ASAP2: variants seen among roughly 807,000 people sequenced by gnomAD.
ASAP2 encodes arf-GAP with SH3 domain, ANK repeat and PH domain-containing protein 2.
A neutral mutation model predicts 131.4 loss-of-function variants in ASAP2; 45 were observed. The observed-to-expected ratio is 0.34, with a 90% CI of 0.27 to 0.44. ASAP2 has a LOEUF of 0.44. ASAP2 is among the 20% of genes least tolerant of loss of function. The pLI, the probability that ASAP2 is intolerant of heterozygous loss-of-function variation, is 1.00. For missense variants in ASAP2, 1,011 were observed against 1,297.0 expected (o/e 0.78, Z 3.39); for synonymous variants, 510 against 503.0 (o/e 1.01, Z -0.19).
At chr2:9,401,073 TTC>T (rs1255536149) in intron 26 of ASAP2, among the ~76,000 whole-genome samples, 199 bp from the exon 27 acceptor site, 1 of 151,944 alleles carries the variant, frequency 6.6e-6, no homozygotes, top group Non-Finnish European at 1.5e-5. Context: ...CCTTGGCCCC[TTC>T]TCTCTGCTTG....
intron 1 of ASAP2, among the ~76,000 whole-genome samples, chr2:9,269,141 T>G (rs1343515737): frequency 6.6e-6 from 1 of 151,892 alleles, no homozygotes; most frequent in African/African-American, 2.4e-5. Flanking sequence ...ATAAGAGAGG[T>G]GATAAATATC....
intron 1 of ASAP2, among the ~76,000 whole-genome samples, chr2:9,224,991 G>A (rs1662663112): frequency 6.6e-6 from 1 of 152,198 alleles, no homozygotes; most frequent in Non-Finnish European, 1.5e-5. Flanking sequence ...GAGTCAAGGT[G>A]CGTAAGTTGG....
chr2:9,383,058 A>G (rs1674988127), intron 20 of ASAP2, among the ~76,000 whole-genome samples: 1 of 151,798 alleles, frequency 6.6e-6, no homozygotes, highest in African/African-American at 2.4e-5. Flanking sequence ...GAGTGAAATC[A>G]TAAGAGTATG....
At chr2:9,310,003 G>A (rs530576132) in intron 3 of ASAP2, among the ~76,000 whole-genome samples, 1 of 152,306 alleles carries the variant, frequency 6.6e-6, no homozygotes, top group East Asian at 1.9e-4. Context: ...GCACTGGAAG[G>A]CTGTTTCACA....
At chr2:9,332,553 G>A (rs997835888) in intron 7 of ASAP2, among the ~76,000 whole-genome samples, 8 of 152,276 alleles carry the variant, frequency 5.3e-5, no homozygotes, top group African/African-American at 1.4e-4. Context: ...GCATCCTGAC[G>A]AGAAGTCTCT....
chr2:9,225,768 G>GTAT (rs1247926068), intron 1 of ASAP2, among the ~76,000 whole-genome samples: 1 of 152,154 alleles, frequency 6.6e-6, no homozygotes, highest in Non-Finnish European at 1.5e-5. Flanking sequence ...GGAAGTGGTT[G>GTAT]TAGGGGTCTG....
intron 18 of ASAP2, among the ~76,000 whole-genome samples, chr2:9,378,287 G>T (rs1674557068): frequency 6.6e-6 from 1 of 152,194 alleles, no homozygotes; most frequent in South Asian, 2.1e-4. Context: ...TTGAGGGCCT[G>T]TCCCATGTCT....
chr2:9,275,032 T>C (rs888843235), intron 1 of ASAP2, among the ~76,000 whole-genome samples: 56 of 152,076 alleles, frequency 3.7e-4, no homozygotes, highest in African/African-American at 9.4e-4. Flanking sequence ...GCCTTTTACA[T>C]TGAAGTTTAC....
At chr2:9,231,953 C>T (rs1663196021) in intron 1 of ASAP2, among the ~76,000 whole-genome samples, 1 of 152,190 alleles carries the variant, frequency 6.6e-6, no homozygotes, top group African/African-American at 2.4e-5. Context: ...CCATCTTGTC[C>T]TGTGAGTGAA....
intron 3 of ASAP2, among the ~76,000 whole-genome samples, chr2:9,304,828 G>A (rs1354983724): frequency 2.9e-5 from 4 of 137,518 alleles, no homozygotes. Flanking sequence ...GGGGCTGGAC[G>A]AGTGGGGTGT....
At chr2:9,386,121 T>C (rs1348779283) in intron 21 of ASAP2, among the ~76,000 whole-genome samples, 3 of 152,032 alleles carry the variant, frequency 2.0e-5, no homozygotes, top group Non-Finnish European at 4.4e-5. Context: ...AATGCCACAT[T>C]AAACACATTT....
At position 9,358,907 on chromosome 2, in the gene ASAP2, G is replaced by C. The variant is rs750335523; in HGVS notation, c.1461+18G>C. ...AGCTGCTGGTAATTTTTAAATCCTT[G>C]ATTTCAGATTGGAAACAAATGAGCT... On this transcript the variant is annotated intron_variant, in intron 15 of 27. Coordinates refer to ENST00000281419, the MANE Select transcript of ASAP2 (RefSeq NM_003887.3). 1 of 1,590,974 alleles carries C rather than the reference G, an allele frequency of 6.3e-7. No homozygotes were observed.
intron 21 of ASAP2, among the ~76,000 whole-genome samples, chr2:9,387,241 A>G (rs1377314585): frequency 2.7e-5 from 4 of 146,490 alleles, no homozygotes; most frequent in African/African-American, 1.1e-4. Context: ...TATAACCTTC[A>G]GGGGGGAGCA....
At chr2:9,324,934 T>C (rs536505869) in intron 6 of ASAP2, among the ~76,000 whole-genome samples, 36 of 152,360 alleles carry the variant, frequency 2.4e-4, no homozygotes, top group South Asian at 1.4e-3. Flanking sequence ...ATTGATATGA[T>C]TGGATTTACT....
intron 1 of ASAP2, among the ~76,000 whole-genome samples, chr2:9,221,994 G>T (rs954809293): frequency 7.2e-5 from 11 of 151,932 alleles, no homozygotes; most frequent in Non-Finnish European, 1.5e-4. Context: ...CAGAGATGGG[G>T]TTTCACCATG....
chr2:9,282,893 T>C (rs1395584270), intron 2 of ASAP2, among the ~76,000 whole-genome samples: 1 of 152,194 alleles, frequency 6.6e-6, no homozygotes, highest in Non-Finnish European at 1.5e-5. Context: ...CTGTCACTGC[T>C]TCCTGAGTGT....
chr2:9,399,736 G>A, intron 24 of ASAP2: 1 of 489,198 alleles, frequency 2.0e-6, no homozygotes, highest in Non-Finnish European at 3.7e-6. Flanking sequence ...CGGGGCCAGT[G>A]GCCAGTGCCC....
At position 9,297,442 on chromosome 2, in the gene ASAP2, C is replaced by T; in HGVS notation, c.342C>T (p.Asn114=). 1.2e-6 allele frequency: 2 copies of T among 1,614,114 alleles called. No homozygotes were observed. Among genetic ancestry groups the T allele is most frequent in the Non-Finnish European group, 1.7e-6 (2 of 1,179,998 alleles). The part of the protein sequence containing the change: ...FTKELTALFK[N]LIQNMNNIIS... ...AGGAGTTGACAGCACTTTTCAAAAA[C>T]CTGGTAAGCAGCTCTGTGTATGAAA... The change falls in exon 3 of 28, where the codon AAC becomes AAT. Residue 114 remains asparagine, a synonymous_variant. Transcript: ENST00000281419.
At position 9,385,240 on chromosome 2, in the gene ASAP2, C is replaced by T. The variant is rs755064390; in HGVS notation, c.2017-5C>T. Reference sequence around the variant, plus strand: ...ACAGCACTGACCATCCCTCTGTTCTCTCAGCTGACCCAAGCCTTATCTGGA... The same window carrying T: ...ACAGCACTGACCATCCCTCTGTTCTTTCAGCTGACCCAAGCCTTATCTGGA... On this transcript the variant is annotated splice_region_variant and splice_polypyrimidine_tract_variant and intron_variant, in intron 20 of 27. Transcript: ENST00000281419. 3 of 1,608,052 alleles carry T rather than the reference C, an allele frequency of 1.9e-6. No individual in the cohort carries two copies. Among genetic ancestry groups the T allele is most frequent in the Non-Finnish European group, 2.6e-6 (3 of 1,174,458 alleles).
Sources: gnomAD v4.1 joint callset for allele counts (sites outside exome capture counted in the v4.1 genomes callset) on GRCh38, gnomAD v4.1.1 for gene constraint, MANE v1.5 for transcripts, NCBI Gene and HGNC (gene_info 2026-07-23, HGNC 2026-07-21) for gene names.